Variants in SAFB2 observed in about 807,000 individuals in gnomAD.
SAFB2 encodes the protein scaffold attachment factor B2.
A neutral mutation model predicts 100.6 loss-of-function variants in SAFB2; 32 were observed. That is an observed-to-expected ratio of 0.32 (90% CI 0.24 to 0.43). SAFB2 has a LOEUF of 0.43. SAFB2 is among the 20% of genes least tolerant of loss of function. The probability of loss-of-function intolerance (pLI) is 1.00; values close to 1 mark genes in which losing one functional copy is unlikely to be tolerated. For synonymous variants in SAFB2, 500 were observed against 439.4 expected (o/e 1.14, Z -1.72); for missense variants, 1,185 against 1,163.4 (o/e 1.02, Z -0.27).
chr19:5,590,029 C>A (rs868509697), intron 18 of SAFB2, among the ~76,000 whole-genome samples: 1 of 152,158 alleles, frequency 6.6e-6, no homozygotes, highest in Non-Finnish European at 1.5e-5. Context: ...TGCAGGCGAC[C>A]CCCAGCTCAA....
intron 9 of SAFB2, among the ~76,000 whole-genome samples, chr19:5,609,302 T>C (rs2052852196): frequency 1.0e-5 from 1 of 98,806 alleles, no homozygotes; most frequent in Admixed American, 1.0e-4. Flanking sequence ...ACTTCATTCT[T>C]TTTTTTTTTT....
At chr19:5,622,184 G>A (rs1012260224) in intron 1 of SAFB2, among the ~76,000 whole-genome samples, 1 of 152,226 alleles carries the variant, frequency 6.6e-6, no homozygotes, top group African/African-American at 2.4e-5. Flanking sequence ...CTCCGGAGGA[G>A]GAAACTGAGG....
Position 5,604,603 on chromosome 19 carries a change from AGAAT to A in SAFB2, c.1535_1538del (p.His512LeufsTer10). ...TTTACTTTTCAATTTTGATCTCCACAGAATGATGTCTGTCGACACTCGATAATTT... is the reference window on the plus strand; with the variant it reads ...TTTACTTTTCAATTTTGATCTCCACAGATGTCTGTCGACACTCGATAATTT... On this transcript the variant is annotated frameshift_variant, in exon 11 of 21. Coordinates refer to ENST00000252542, the MANE Select transcript of SAFB2 (RefSeq NM_014649.3). LOFTEE classifies it high-confidence loss of function. 1 of 1,613,970 alleles carries A rather than the reference AGAAT, an allele frequency of 6.2e-7. No individual in the cohort carries two copies. The highest frequency in any genetic ancestry group is 8.5e-7 in the Non-Finnish European group (1 of 1,179,830).
At chr19:5,610,260 T>C (rs751072737) in intron 8 of SAFB2, 165 bp from the exon 9 acceptor site, 2 of 620,086 alleles carry the variant, frequency 3.2e-6, no homozygotes, top group Non-Finnish European at 5.7e-6. Context: ...AGGCTGAAAA[T>C]CTGGACAGCA....
At chr19:5,593,295 A>G (rs1407658943) in intron 15 of SAFB2, among the ~76,000 whole-genome samples, 1 of 152,222 alleles carries the variant, frequency 6.6e-6, no homozygotes, top group Non-Finnish European at 1.5e-5. Context: ...AAAAGCAAAG[A>G]GAATTAGATG....
chr19:5,602,429 A>G lies in SAFB2; in HGVS notation c.1559+2154T>C, dbSNP rs1013388369. On this transcript the variant is annotated intron_variant, in intron 11 of 20. Transcript: ENST00000252542. ...CGGGAGGCGGAGCTTGCAGTGAGCC[A>G]AGATTGCGCCACTGCACTCCAGCCT... Among the ~76,000 whole-genome samples, 27 of 149,118 alleles carry G rather than the reference A, an allele frequency of 1.8e-4. No individual in the cohort carries two copies. In the East Asian group the frequency reaches 3.0e-3, roughly 17 times the overall value.
chr19:5,593,987 C>T lies in SAFB2; in HGVS notation c.2111G>A (p.Arg704His), dbSNP rs1266483221. ...VERERRKEQE[R>H]IHREREELRR... is the part of the protein sequence containing the mutation. Reference sequence around the variant, plus strand: ...CAGCTCCTCGCGCTCGCGGTGGATGCGCTCCTGCTCCTTCCTGCGCTCACG... The same window carrying T: ...CAGCTCCTCGCGCTCGCGGTGGATGTGCTCCTGCTCCTTCCTGCGCTCACG... Residue 704 changes from arginine (R) to histidine (H), a missense_variant, in exon 15 of 21, where the codon CGC becomes CAC. Physicochemically the swap from Arg to His is conservative, Grantham distance 29. Around this residue, in one of 3 missense-constraint regions of SAFB2, gnomAD observed 740 missense variants for 687.1 expected, o/e 1.08. Coordinates refer to ENST00000252542, the MANE Select transcript of SAFB2 (RefSeq NM_014649.3). 2.6e-6 allele frequency: 4 copies of T among 1,556,318 alleles called. No homozygotes were observed. The highest frequency in any genetic ancestry group is 2.6e-6 in the Non-Finnish European group (3 of 1,157,924).
At chr19:5,599,302 T>C (rs1276872493) in intron 12 of SAFB2, among the ~76,000 whole-genome samples, 6 of 152,138 alleles carry the variant, frequency 3.9e-5, no homozygotes, top group African/African-American at 1.4e-4. Flanking sequence ...AGGGAGTGCC[T>C]TGCCAGACGG....
At position 5,604,912 on chromosome 19, in the gene SAFB2, T is replaced by C; in HGVS notation, c.1321A>G (p.Asn441Asp). The C allele has an allele frequency of 6.2e-7, 1 of 1,613,554 alleles. No homozygotes were observed. The highest frequency in any genetic ancestry group is 8.5e-7 in the Non-Finnish European group (1 of 1,180,022). ...GKVVGAKVVTNARSPGARCYG... is the reference protein window; with the variant it reads ...GKVVGAKVVTDARSPGARCYG... Reference sequence around the variant, plus strand: ...CATCGAGCCCCCGGGCTGCGGGCGTTCGTTACCACTTTGGCCCCGACAACC... The same window carrying C: ...CATCGAGCCCCCGGGCTGCGGGCGTCCGTTACCACTTTGGCCCCGACAACC... The change falls in exon 10 of 21, where the codon AAC becomes GAC. Residue 441 changes from asparagine to aspartate, a missense_variant. This residue lies in a region of SAFB2 where 94 missense variants were observed against 135.1 expected (regional missense o/e 0.70). Coordinates refer to ENST00000252542, the MANE Select transcript of SAFB2 (RefSeq NM_014649.3).
intron 2 of SAFB2, among the ~76,000 whole-genome samples, chr19:5,619,638 G>A (rs944984307): frequency 6.6e-6 from 1 of 152,122 alleles, no homozygotes; most frequent in African/African-American, 2.4e-5. Flanking sequence ...TGAGGAGTTC[G>A]AGACCAGCCT....
Position 5,587,239 on chromosome 19 carries a change from G to C in SAFB2, c.*4C>G. 6.2e-7 allele frequency: 1 copy of C among 1,613,188 alleles called. No individual in the cohort carries two copies. Among genetic ancestry groups the C allele is most frequent in the Non-Finnish European group, 8.5e-7 (1 of 1,179,744 alleles). On this transcript the variant is annotated 3_prime_UTR_variant, in exon 21 of 21. Coordinates refer to ENST00000252542, the MANE Select transcript of SAFB2 (RefSeq NM_014649.3). The surrounding 1 kb of genome is among the most constrained non-coding windows in gnomAD (Gnocchi z 4.9). Reference sequence around the variant, plus strand: ...CCCACCCGAAAACTCGCAGCGAGTGGGACTTAGTAGCGGCGGGTGAAGTGG... The same window carrying C: ...CCCACCCGAAAACTCGCAGCGAGTGCGACTTAGTAGCGGCGGGTGAAGTGG...
rs770185862 is a variant in SAFB2 at position 5,621,304 on chromosome 19, A to G, written c.274+5T>C. On this transcript the variant is annotated splice_donor_5th_base_variant and intron_variant, in intron 2 of 20. Transcript: ENST00000252542. ...CTCAAGCCCCAAGCAGCATATGTAC[A>G]ATACCTTTAACACATCTCTTGGCTG... The G allele has an allele frequency of 1.3e-6, 2 of 1,591,774 alleles. No homozygotes were observed. Among genetic ancestry groups the G allele is most frequent in the South Asian group, 1.1e-5 (1 of 90,618 alleles).
chr19:5,615,076 T>C (rs537564384), intron 4 of SAFB2, among the ~76,000 whole-genome samples: 2 of 152,138 alleles, frequency 1.3e-5, no homozygotes, highest in Non-Finnish European at 2.9e-5. Flanking sequence ...GTCAAGTGGC[T>C]GGGCGCAGTG....
intron 4 of SAFB2, among the ~76,000 whole-genome samples, chr19:5,615,228 G>T (rs773843830): frequency 2.0e-5 from 3 of 151,470 alleles, no homozygotes; most frequent in Non-Finnish European, 4.4e-5. Flanking sequence ...GGTGGCGCAT[G>T]CCTCTGGTCC....
rs145819645 is a variant in SAFB2 at position 5,620,697 on chromosome 19, T to C, written c.274+612A>G. On this transcript the variant is annotated intron_variant, in intron 2 of 20. Transcript: ENST00000252542. The stretch of plus-strand genomic sequence containing the variant: ...GAAAAGTAAGGCGACTAACTTCTAA[T>C]GAGGACCGGGTTTCCTTTTTGGGTG... Among the ~76,000 whole-genome samples, 1,282 of 152,356 alleles carry C rather than the reference T, an allele frequency of 8.4e-3. 13 individuals carry two copies. Among genetic ancestry groups the C allele is most frequent in the South Asian group, 0.013 (61 of 4,828 alleles).
rs1425381565 is a variant in SAFB2 at position 5,622,534 on chromosome 19, T to C, written c.182A>G (p.Lys61Arg). 2.5e-6 allele frequency: 4 copies of C among 1,611,346 alleles called. No individual in the cohort carries two copies. In the African/African-American group the frequency reaches 4.0e-5, roughly 16 times the overall value. Residue 61 changes from lysine (K) to arginine (R), a missense_variant, in exon 1 of 21, where the codon AAG (lysine) becomes AGG (arginine). Physicochemically the swap from Lys to Arg is conservative, Grantham distance 26. Around this residue, in one of 3 missense-constraint regions of SAFB2, gnomAD observed 351 missense variants for 341.2 expected, o/e 1.03. Transcript: ENST00000252542. ...GNKSVLMERL[K>R]KAVKEEGQDP... ...CCGAGCCCCGCGCCGCCTCACCTTC[T>C]TGAGCCGCTCCATCAGGACGCTCTT...
chr19:5,608,032 T>A (rs1295653475), intron 9 of SAFB2, among the ~76,000 whole-genome samples: 2 of 152,220 alleles, frequency 1.3e-5, no homozygotes, highest in Non-Finnish European at 2.9e-5. Context: ...GCAGGCACCA[T>A]ACTAAGCTTG....
chr19:5,598,972 T>C, intron 12 of SAFB2, 88 bp from the exon 13 acceptor site: 1 of 1,200,322 alleles, frequency 8.3e-7, no homozygotes, highest in Non-Finnish European at 1.2e-6. Flanking sequence ...CCTGGGCTTT[T>C]GAACACACAA....
chr19:5,602,531 A>G lies in SAFB2; in HGVS notation c.1559+2052T>C, dbSNP rs541322428. ...ATCTTAAGTCCATCACCCAGTTAAGAGCCATGGGGCTCCGAGCAAACTTCA... is the reference window on the plus strand; with the variant it reads ...ATCTTAAGTCCATCACCCAGTTAAGGGCCATGGGGCTCCGAGCAAACTTCA... On this transcript the variant is annotated intron_variant, in intron 11 of 20. Transcript: ENST00000252542. 2.0e-5 allele frequency among the ~76,000 whole-genome samples: 3 copies of G among 150,898 alleles called. No individual in the cohort carries two copies. In the South Asian group the frequency reaches 6.3e-4, roughly 32 times the overall value.
Sources: allele counts gnomAD v4.1 joint callset (sites outside exome capture counted in the v4.1 genomes callset), GRCh38; gene constraint gnomAD v4.1.1; regional missense constraint gnomAD v4.1.1; non-coding constraint Gnocchi (gnomAD v3.1); transcripts MANE v1.5; gene names NCBI Gene and HGNC (gene_info 2026-07-23, HGNC 2026-07-21).